Variants in MGAT4C observed in about 807,000 individuals in gnomAD.
MGAT4C encodes MGAT4 family member C.
MGAT4C carries 19 observed loss-of-function variants against 40.1 expected under a neutral mutation model. That is an observed-to-expected ratio of 0.47 (90% confidence interval 0.33 to 0.70). The LOEUF is 0.70. Ranked by LOEUF, MGAT4C falls within the 30% of genes least tolerant of loss-of-function variation. MGAT4C has a pLI of 0.02. For missense variants in MGAT4C, 491 were observed against 563.2 expected, an observed-to-expected ratio of 0.87 and a Z score of 1.30; for synonymous variants, 181 against 187.1, an observed-to-expected ratio of 0.97 and a Z score of 0.27.
chr12:86,415,715 G>A (rs1259619414), intron 3 of MGAT4C, among the ~76,000 whole-genome samples: 1 of 152,018 alleles, frequency 6.6e-6, no homozygotes, highest in East Asian at 1.9e-4. Flanking sequence ...ATCTATCAAG[G>A]AGAATTCAGA....
At chr12:86,058,726 G>T (rs1430227963) in intron 1 of MGAT4C, among the ~76,000 whole-genome samples, 2 of 152,134 alleles carry the variant, frequency 1.3e-5, no homozygotes, top group African/African-American at 4.8e-5. Context: ...TGTTGACATG[G>T]TGTTTCTATG....
At chr12:86,234,313 A>T (rs953808900) in intron 1 of MGAT4C, among the ~76,000 whole-genome samples, 46 of 152,202 alleles carry the variant, frequency 3.0e-4, no homozygotes, top group African/African-American at 1.1e-3. Flanking sequence ...TAAAGAAAAC[A>T]AAGGATTTGA....
At chr12:86,074,634 G>A (rs1246898851) in intron 1 of MGAT4C, among the ~76,000 whole-genome samples, 1 of 152,002 alleles carries the variant, frequency 6.6e-6, no homozygotes, top group African/African-American at 2.4e-5. Context: ...TCATGCTGTT[G>A]ATAAAGACAC....
intron 1 of MGAT4C, among the ~76,000 whole-genome samples, chr12:86,822,606 G>A (rs1397273941): frequency 1.3e-5 from 2 of 151,022 alleles, no homozygotes; most frequent in African/African-American, 4.8e-5. Flanking sequence ...AAAGGACAGT[G>A]TATAACGATA....
intron 3 of MGAT4C, among the ~76,000 whole-genome samples, chr12:86,395,040 T>C (rs908342642): frequency 1.3e-5 from 2 of 152,080 alleles, no homozygotes; most frequent in Non-Finnish European, 2.9e-5. Flanking sequence ...AAACTATATG[T>C]CTAAGAGCTT....
chr12:86,223,313 C>G (rs1182514120), intron 1 of MGAT4C, among the ~76,000 whole-genome samples: 1 of 152,224 alleles, frequency 6.6e-6, no homozygotes, highest in Non-Finnish European at 1.5e-5. Context: ...CCACAGGCAG[C>G]TCCATTCTGA....
chr12:86,293,715 G>A (rs1953585238), intron 4 of MGAT4C, among the ~76,000 whole-genome samples: 1 of 152,150 alleles, frequency 6.6e-6, no homozygotes, highest in Admixed American at 6.5e-5. Context: ...CACGTGTCAA[G>A]GGAGCACCCA....
chr12:86,524,402 A>C (rs1958845295), intron 2 of MGAT4C, among the ~76,000 whole-genome samples: 1 of 152,066 alleles, frequency 6.6e-6, no homozygotes, highest in South Asian at 2.1e-4. Context: ...TCCTCTAAAA[A>C]TGTTGAATAT....
chr12:86,822,348 C>T (rs527731378), intron 1 of MGAT4C, among the ~76,000 whole-genome samples: 70 of 151,136 alleles, frequency 4.6e-4, no homozygotes, highest in African/African-American at 1.6e-3. Context: ...GAAATCTTCC[C>T]TTACTAAGTT....
At chr12:86,503,374 C>CATATATATATATGAGTTCTGCTCAT (rs1592926707) in intron 2 of MGAT4C, among the ~76,000 whole-genome samples, 2 of 9,866 alleles carry the variant, frequency 2.0e-4, no homozygotes, top group Admixed American at 1.8e-3. Flanking sequence ...GAGTTCTGCT[C>CATATATATATATGAGTTCTGCTCAT]ATATATATAT....
chr12:86,253,479 T>C (rs1262454430), intron 1 of MGAT4C, among the ~76,000 whole-genome samples: 1 of 151,992 alleles, frequency 6.6e-6, no homozygotes, highest in African/African-American at 2.4e-5. Flanking sequence ...TTACGAATTA[T>C]TAGTCTCTGT....
chr12:86,399,499 T>C (rs1018287740), intron 3 of MGAT4C, among the ~76,000 whole-genome samples: 2 of 151,952 alleles, frequency 1.3e-5, no homozygotes, highest in Non-Finnish European at 2.9e-5. Flanking sequence ...GCCAGGATGG[T>C]CTCCATCTCC....
rs550347973 is a variant in MGAT4C, at chr12:86,446,596, A to G, written c.-228-11331T>C. On this transcript the variant is annotated intron_variant, in intron 2 of 7. Coordinates refer to the MGAT4C transcript ENST00000548651. ...ATGAATACCATGCATTATTTTCTAC[A>G]TTGTGTACTGTTCATATACGATGAA... Among the ~76,000 whole-genome samples, 258 of 143,666 alleles carry G rather than the reference A, an allele frequency of 1.8e-3. 1 individual carries two copies. Among genetic ancestry groups the G allele is most frequent in the Non-Finnish European group, 3.3e-3 (220 of 66,212 alleles). 94.3% of individuals were successfully genotyped at this position (143,666 alleles called of 152,430 possible).
upstream of MGAT4C, among the ~76,000 whole-genome samples, chr12:86,257,799 G>A (rs779331565): frequency 6.6e-6 from 1 of 152,158 alleles, no homozygotes; most frequent in East Asian, 1.9e-4. Flanking sequence ...CATGTGACAT[G>A]GGAGCAAGAG....
chr12:86,432,261 G>T (rs1281583515), intron 3 of MGAT4C, among the ~76,000 whole-genome samples: 1 of 151,958 alleles, frequency 6.6e-6, no homozygotes, highest in Non-Finnish European at 1.5e-5. Context: ...TGAAGGCAAA[G>T]ATATGGAAAT....
chr12:86,649,416 C>A (rs1251962840), intron 2 of MGAT4C, among the ~76,000 whole-genome samples: 1 of 151,664 alleles, frequency 6.6e-6, no homozygotes, highest in Non-Finnish European at 1.5e-5. Context: ...ATACTTTGAA[C>A]TCGATCAGCT....
intron 1 of MGAT4C, among the ~76,000 whole-genome samples, chr12:86,052,884 A>G (rs1024380648): frequency 9.9e-5 from 15 of 152,102 alleles, no homozygotes; most frequent in Admixed American, 5.9e-4. Context: ...AGAAAAATAT[A>G]TCTTTCATTT....
In MGAT4C at chr12:86,657,136, A is replaced by T. The variant is rs1403855090; in HGVS notation, c.-229+70073T>A. 3.3e-5 allele frequency among the ~76,000 whole-genome samples: 5 copies of T among 152,184 alleles called. No individual in the cohort carries two copies. In the East Asian group the frequency reaches 9.7e-4, roughly 29 times the overall value. On this transcript the variant is annotated intron_variant, in intron 2 of 7. Transcript: ENST00000548651. Reference sequence around the variant, plus strand: ...TCTTCCATTATATTCTAATTTCAAAAAATTACCAGAAAAGAGGGCAAGCAA... The same window carrying T: ...TCTTCCATTATATTCTAATTTCAAATAATTACCAGAAAAGAGGGCAAGCAA...
chr12:86,357,176 T>C (rs1054224954), intron 3 of MGAT4C, among the ~76,000 whole-genome samples: 1 of 152,210 alleles, frequency 6.6e-6, no homozygotes, highest in Non-Finnish European at 1.5e-5. Context: ...TATTTGCTGT[T>C]CTGCAGCCTC....
Sources: gnomAD v4.1 joint callset for allele counts (sites outside exome capture counted in the v4.1 genomes callset) on GRCh38, gnomAD v4.1.1 for gene constraint, MANE v1.5 for transcripts, NCBI Gene and HGNC (gene_info 2026-07-23, HGNC 2026-07-21) for gene names.